Variants in SGCZ observed in about 807,000 individuals in gnomAD.
SGCZ encodes zeta-sarcoglycan.
A neutral mutation model predicts 41.3 loss-of-function variants in SGCZ; 40 were observed. The ratio of observed to expected loss-of-function variants is 0.97; its 90% CI spans 0.75 to 1.26. The LOEUF is 1.26. Among genes scored for constraint, SGCZ ranks in the 50% most tolerant of loss-of-function variants. The pLI, the probability that SGCZ is intolerant of heterozygous loss-of-function variation, is 0.00. For synonymous variants in SGCZ, 206 were observed against 137.5 expected (o/e 1.50, Z -3.49); for missense variants, 552 against 369.8 (o/e 1.49, Z -4.04).
At chr8:14,816,149 C>T (rs1801896553) in intron 1 of SGCZ, among the ~76,000 whole-genome samples, 2 of 152,116 alleles carry the variant, frequency 1.3e-5, no homozygotes, top group South Asian at 2.1e-4. Flanking sequence ...TACTAAGTCT[C>T]GAAGATGCAG....
At chr8:14,906,649 C>A (rs145818765) in intron 1 of SGCZ, among the ~76,000 whole-genome samples, 147 of 152,266 alleles carry the variant, frequency 9.7e-4, no homozygotes, top group African/African-American at 3.4e-3. Flanking sequence ...ATTATACTTA[C>A]CCCTCACCAG....
chr8:14,089,009 T>C lies in SGCZ; in HGVS notation c.*1434A>G, dbSNP rs1461976967. ...AATTCAGGACTTACCTTATAGTAAT[T>C]AAGTCATCTTCCCATAATAGGAAAT... On this transcript the variant is annotated 3_prime_UTR_variant, in exon 8 of 8. Transcript: ENST00000382080. 1.3e-5 allele frequency among the ~76,000 whole-genome samples: 2 copies of C among 151,936 alleles called. No individual in the cohort carries two copies. The highest frequency in any genetic ancestry group is 2.9e-5 in the Non-Finnish European group (2 of 67,898).
chr8:14,602,339 A>G (rs111463020), intron 1 of SGCZ, among the ~76,000 whole-genome samples: 1 of 151,994 alleles, frequency 6.6e-6, no homozygotes, highest in African/African-American at 2.4e-5. Flanking sequence ...AATAATGCAC[A>G]TGTCACCCAG....
intron 1 of SGCZ, among the ~76,000 whole-genome samples, chr8:14,625,846 C>T (rs1510433): frequency 0.1 from 15,869 of 152,158 alleles, 925 homozygotes; most frequent in African/African-American, 0.17. Flanking sequence ...TTTCAGATGA[C>T]ATTAAAAGCA....
Position 14,988,826 on chromosome 8 carries a change from G to C in SGCZ, c.39+248759C>G, listed in dbSNP as rs923451052. On this transcript the variant is annotated intron_variant, in intron 1 of 7. Transcript: ENST00000382080. ...AAAATACCATTGAAATACTAAGAGA[G>C]AAAACTGCTACCCTCATTTATTTCT... Among the ~76,000 whole-genome samples, 4 of 152,218 alleles carry C rather than the reference G, an allele frequency of 2.6e-5. No individual in the cohort carries two copies. In the East Asian group the frequency reaches 7.7e-4, roughly 29 times the overall value.
chr8:14,323,390 A>G (rs1801994592), intron 3 of SGCZ, among the ~76,000 whole-genome samples: 2 of 152,062 alleles, frequency 1.3e-5, no homozygotes, highest in South Asian at 4.1e-4. Context: ...TTCTCTCTTA[A>G]TAAACTTATT....
chr8:14,740,987 TA>T (rs1799184138), intron 1 of SGCZ, among the ~76,000 whole-genome samples: 2 of 152,074 alleles, frequency 1.3e-5, no homozygotes, highest in South Asian at 4.1e-4. Flanking sequence ...AATCTGCCAT[TA>T]AAAATAATTG....
At chr8:15,015,522 C>T (rs1387258421) in intron 1 of SGCZ, among the ~76,000 whole-genome samples, 2 of 151,552 alleles carry the variant, frequency 1.3e-5, no homozygotes, top group Non-Finnish European at 2.9e-5. Flanking sequence ...CCTGTCTCTA[C>T]TGAAAATATA....
chr8:14,670,426 A>G (rs1305310359), intron 1 of SGCZ, among the ~76,000 whole-genome samples: 2 of 152,174 alleles, frequency 1.3e-5, no homozygotes, highest in Non-Finnish European at 2.9e-5. Flanking sequence ...CCAAATTGGT[A>G]TGTTTCAAGG....
Position 14,854,251 on chromosome 8 carries a change from T to C in SGCZ, c.40-299325A>G, listed in dbSNP as rs796170460. ...TAAATGTTGGGCTTTTGACACAGAGTTGGTGTTAACAACATTATATGCAAA... is the reference window on the plus strand; with the variant it reads ...TAAATGTTGGGCTTTTGACACAGAGCTGGTGTTAACAACATTATATGCAAA... On this transcript the variant is annotated intron_variant, in intron 1 of 7. Transcript: ENST00000382080. 2.6e-5 allele frequency among the ~76,000 whole-genome samples: 4 copies of C among 151,572 alleles called. No homozygotes were observed. In the East Asian group the frequency reaches 5.8e-4, roughly 22 times the overall value.
chr8:14,355,755 C>T (rs1803271237), intron 2 of SGCZ, among the ~76,000 whole-genome samples: 1 of 151,936 alleles, frequency 6.6e-6, no homozygotes, highest in Non-Finnish European at 1.5e-5. Context: ...GTCTGGCATA[C>T]TCAGTGTACC....
At chr8:14,511,913 A>AT (rs1432577359) in intron 2 of SGCZ, among the ~76,000 whole-genome samples, 9 of 152,084 alleles carry the variant, frequency 5.9e-5, no homozygotes, top group Admixed American at 5.3e-4. Context: ...ATTAGTAACA[A>AT]TTTTTTAATT....
intron 1 of SGCZ, among the ~76,000 whole-genome samples, chr8:14,573,055 T>C (rs1042440483): frequency 3.3e-5 from 5 of 152,206 alleles, no homozygotes; most frequent in Non-Finnish European, 7.3e-5. Flanking sequence ...TGCTTCTCCA[T>C]ATGTGAGATT....
intron 2 of SGCZ, among the ~76,000 whole-genome samples, chr8:14,343,656 G>C (rs372278836): frequency 3.7e-4 from 56 of 152,116 alleles, no homozygotes; most frequent in Non-Finnish European, 6.9e-4. Flanking sequence ...GTTCATTTCG[G>C]AGCCATAGAG....
chr8:14,957,625 G>C (rs1257206379), intron 1 of SGCZ, among the ~76,000 whole-genome samples: 1 of 151,742 alleles, frequency 6.6e-6, no homozygotes, highest in African/African-American at 2.4e-5. Flanking sequence ...TTATTATATG[G>C]TGCCCAGATA....
At chr8:14,889,642 A>G (rs1295589485) in intron 1 of SGCZ, among the ~76,000 whole-genome samples, 1 of 152,082 alleles carries the variant, frequency 6.6e-6, no homozygotes, top group East Asian at 1.9e-4. Context: ...ACATGGATCA[A>G]AAAAATTTGT....
intron 4 of SGCZ, among the ~76,000 whole-genome samples, chr8:14,206,321 C>G (rs1805613928): frequency 6.6e-6 from 1 of 152,048 alleles, no homozygotes; most frequent in African/African-American, 2.4e-5. Context: ...TAAGTGAAGG[C>G]TATGTGTTAT....
At chr8:14,111,589 G>A (rs1182902332) in intron 5 of SGCZ, among the ~76,000 whole-genome samples, 6 of 152,276 alleles carry the variant, frequency 3.9e-5, no homozygotes, top group Middle Eastern at 3.4e-3. Context: ...GTTCAACACT[G>A]CTTGATTATA....
At chr8:14,713,654 A>G (rs1228195337) in intron 1 of SGCZ, among the ~76,000 whole-genome samples, 1 of 151,688 alleles carries the variant, frequency 6.6e-6, no homozygotes, top group Admixed American at 6.6e-5. Context: ...AAAAGAAGAA[A>G]ACTCCAACCC....
Sources: gnomAD v4.1 joint callset for allele counts (sites outside exome capture counted in the v4.1 genomes callset) on GRCh38, gnomAD v4.1.1 for gene constraint, MANE v1.5 for transcripts, NCBI Gene and HGNC (gene_info 2026-07-23, HGNC 2026-07-21) for gene names.